Variants in ASXL3 observed in about 807,000 individuals in gnomAD.
The protein encoded by ASXL3 is putative Polycomb group protein ASXL3.
A neutral mutation model predicts 170.6 loss-of-function variants in ASXL3; 34 were observed. The observed-to-expected ratio is 0.20, with a 90% CI of 0.15 to 0.27. ASXL3 has a LOEUF of 0.27. Among genes scored for constraint, ASXL3 ranks in the 10% least tolerant of loss-of-function variants. The pLI, the probability that ASXL3 is intolerant of heterozygous loss-of-function variation, is 1.00. For missense variants in ASXL3, 2,592 were observed against 2,695.3 expected (o/e 0.96, Z 0.85); for synonymous variants, 1,002 against 989.1 (o/e 1.01, Z -0.24).
chr18:33,671,256 T>C (rs911030941), intron 6 of ASXL3, among the ~76,000 whole-genome samples: 11 of 152,160 alleles, frequency 7.2e-5, no homozygotes, highest in Admixed American at 5.2e-4. Flanking sequence ...GCCCTGACCT[T>C]GTCTTCTAAT....
chr18:33,645,045 C>G, intron 3 of ASXL3, 43 bp downstream of exon 3: 1 of 1,340,602 alleles, frequency 7.5e-7, no homozygotes, highest in South Asian at 1.4e-5. Context: ...TATTATCATG[C>G]ATTTTTTCAG....
chr18:33,687,116 GA>G (rs761151563), intron 8 of ASXL3, among the ~76,000 whole-genome samples: 3 of 152,168 alleles, frequency 2.0e-5, no homozygotes, highest in Non-Finnish European at 4.4e-5. Context: ...GGCAACTAGA[GA>G]TTTTTTCTAG....
At chr18:33,664,944 A>C (rs1203498735) in intron 5 of ASXL3, among the ~76,000 whole-genome samples, 1 of 152,206 alleles carries the variant, frequency 6.6e-6, no homozygotes, top group Non-Finnish European at 1.5e-5. Flanking sequence ...TTGTTATTTC[A>C]GTAGTTGTCT....
At chr18:33,645,902 GTTGGGTAT>G (rs978716535) in intron 3 of ASXL3, among the ~76,000 whole-genome samples, 6 of 152,040 alleles carry the variant, frequency 3.9e-5, no homozygotes, top group African/African-American at 1.2e-4. Context: ...TTTGTAGCAA[GTTGGGTAT>G]TTAAGTAACT....
At chr18:33,612,559 CTT>C (rs2065352823) in intron 2 of ASXL3, among the ~76,000 whole-genome samples, 1 of 151,932 alleles carries the variant, frequency 6.6e-6, no homozygotes, top group African/African-American at 2.4e-5. Flanking sequence ...TTGTTTAAGA[CTT>C]TTTATGTTTT....
At chr18:33,717,167 A>G (rs577252679) in intron 8 of ASXL3, among the ~76,000 whole-genome samples, 1 of 152,266 alleles carries the variant, frequency 6.6e-6, no homozygotes, top group East Asian at 1.9e-4. Flanking sequence ...AAGGCTAAAG[A>G]GCTGATTTCT....
chr18:33,592,254 A>G (rs2065084491), intron 1 of ASXL3, among the ~76,000 whole-genome samples: 1 of 152,200 alleles, frequency 6.6e-6, no homozygotes, highest in Admixed American at 6.5e-5. Context: ...GTTTGTATGT[A>G]CATGTTTATA....
Position 33,607,765 on chromosome 18 carries a change from A to G in ASXL3, c.137+89A>G, listed in dbSNP as rs975194078. On this transcript the variant is annotated intron_variant, in intron 2 of 11. Coordinates refer to ENST00000269197, the MANE Select transcript of ASXL3 (RefSeq NM_030632.3). ...GCGATAGGTGTATCTAGATTTTGATATTGTAGTTGATTGTGAATTAACTCC... is the reference window on the plus strand; with the variant it reads ...GCGATAGGTGTATCTAGATTTTGATGTTGTAGTTGATTGTGAATTAACTCC... The G allele has an allele frequency of 1.1e-5, 10 of 931,562 alleles. No individual in the cohort carries two copies. In the African/African-American group the frequency reaches 1.4e-4, roughly 13 times the overall value. The allele number at this position is 931,562 out of a possible 1,614,324, so 57.7% of individuals were successfully genotyped here.
chr18:33,646,159 A>G, intron 3 of ASXL3, 86 bp from the exon 4 acceptor site: 4 of 923,852 alleles, frequency 4.3e-6, no homozygotes, highest in Middle Eastern at 2.2e-4. Context: ...ATAACTGATC[A>G]TACTGTAGGA....
intron 1 of ASXL3, among the ~76,000 whole-genome samples, chr18:33,601,897 CCTT>C (rs962791444): frequency 2.0e-5 from 3 of 150,068 alleles, no homozygotes; most frequent in African/African-American, 7.4e-5. Flanking sequence ...CTGAAGCAAT[CCTT>C]CTGCCTCAGC....
intron 8 of ASXL3, among the ~76,000 whole-genome samples, chr18:33,687,966 C>A (rs866173173): frequency 1.3e-5 from 2 of 152,246 alleles, no homozygotes; most frequent in Middle Eastern, 3.4e-3. Flanking sequence ...ATAAATAATT[C>A]ATAAAATCTT....
At chr18:33,670,884 A>G (rs2066330340) in intron 6 of ASXL3, 94 bp downstream of exon 6, 1 of 732,926 alleles carries the variant, frequency 1.4e-6, no homozygotes, top group East Asian at 3.1e-5. Flanking sequence ...CTGAAACTGA[A>G]TAATACTTCC....
At chr18:33,737,987 T>A (rs1396637000) in intron 10 of ASXL3, among the ~76,000 whole-genome samples, 1 of 152,174 alleles carries the variant, frequency 6.6e-6, no homozygotes, top group Non-Finnish European at 1.5e-5. Flanking sequence ...TATTTTCTAA[T>A]ACTTTGTTGT....
At chr18:33,709,618 A>G (rs996126650) in intron 8 of ASXL3, among the ~76,000 whole-genome samples, 2 of 152,212 alleles carry the variant, frequency 1.3e-5, no homozygotes, top group African/African-American at 2.4e-5. Context: ...AGGGATTAGT[A>G]CCTGGGAGGG....
At chr18:33,723,838 T>C (rs887219804) in intron 8 of ASXL3, among the ~76,000 whole-genome samples, 1 of 152,106 alleles carries the variant, frequency 6.6e-6, no homozygotes, top group African/African-American at 2.4e-5. Context: ...TCATAGCCAT[T>C]CCAGCCTTCA....
chr18:33,737,358 C>T (rs575219845), intron 10 of ASXL3, among the ~76,000 whole-genome samples: 2 of 152,246 alleles, frequency 1.3e-5, no homozygotes, highest in South Asian at 4.1e-4. Context: ...TATTTCTTCA[C>T]TTAAATGTTC....
intron 1 of ASXL3, among the ~76,000 whole-genome samples, chr18:33,582,738 G>GTTTT (rs1279088798): frequency 1.5e-5 from 2 of 136,920 alleles, no homozygotes; most frequent in African/African-American, 5.9e-5. Flanking sequence ...GTGTGTGTGT[G>GTTTT]TGTTTTCTTG....
rs139401725 is a variant in ASXL3 at position 33,710,495 on chromosome 18, A to G, written c.880-21473A>G. On this transcript the variant is annotated intron_variant, in intron 8 of 11. Coordinates refer to ENST00000269197, the MANE Select transcript of ASXL3 (RefSeq NM_030632.3). ...TCTTTCAGTGGGTCATAGTTCACGT[A>G]AAGGAATGCTTTCTGAACTTGTTCT... 7.2e-5 allele frequency among the ~76,000 whole-genome samples: 11 copies of G among 152,364 alleles called. 1 individual carries two copies. In the East Asian group the frequency reaches 1.7e-3, roughly 24 times the overall value.
intron 8 of ASXL3, among the ~76,000 whole-genome samples, chr18:33,685,300 C>G (rs866650956): frequency 4.6e-5 from 7 of 152,270 alleles, no homozygotes; most frequent in African/African-American, 1.7e-4. Context: ...CGTCATCATC[C>G]TTATCCTCAT....
Sources: gnomAD v4.1 joint callset for allele counts (sites outside exome capture counted in the v4.1 genomes callset) on GRCh38, gnomAD v4.1.1 for gene constraint, MANE v1.5 for transcripts, NCBI Gene and HGNC (gene_info 2026-07-23, HGNC 2026-07-21) for gene names.